Variants in FBXL13 observed in about 807,000 individuals in gnomAD.
FBXL13 encodes the protein F-box and leucine rich repeat protein 13, also known as F-box and leucine-rich repeat protein 13.
FBXL13 carries 67 observed loss-of-function variants against 83.6 expected under a neutral mutation model. The ratio of observed to expected loss-of-function variants is 0.80; its 90% CI spans 0.66 to 0.98. The LOEUF (loss-of-function observed/expected upper bound fraction) is 0.98. Among genes scored for constraint, FBXL13 ranks in the 50% least tolerant of loss-of-function variants. The pLI is 0.00. For missense variants in FBXL13, 822 were observed against 866.5 expected (o/e 0.95, Z 0.64); for synonymous variants, 272 against 299.5 (o/e 0.91, Z 0.95).
intron 11 of FBXL13, among the ~76,000 whole-genome samples, chr7:102,897,115 T>TTA (rs149290480): frequency 0.012 from 1,803 of 151,764 alleles, 71 homozygotes; most frequent in East Asian, 0.11. Context: ...TACATATATT[T>TTA]TATATATATG....
At chr7:102,996,752 A>G (rs1789835354) in intron 6 of FBXL13, among the ~76,000 whole-genome samples, 1 of 152,208 alleles carries the variant, frequency 6.6e-6, no homozygotes. Context: ...TGGCCTGGTA[A>G]AAGAACATGA....
At chr7:102,863,012 TCTAA>T (rs1409164957) in intron 16 of FBXL13, among the ~76,000 whole-genome samples, 1 of 152,240 alleles carries the variant, frequency 6.6e-6, no homozygotes, top group Non-Finnish European at 1.5e-5. Flanking sequence ...GATCTTGTTC[TCTAA>T]CTGATAACTA....
At chr7:102,924,238 C>CA (rs564121170) in intron 10 of FBXL13, among the ~76,000 whole-genome samples, 846 of 54,154 alleles carry the variant, frequency 0.016, 6 homozygotes, top group African/African-American at 0.045. Context: ...AACTCCGTCT[C>CA]AAAAAAAAAA....
intron 6 of FBXL13, among the ~76,000 whole-genome samples, chr7:102,982,169 C>G: frequency 6.6e-6 from 1 of 152,148 alleles, no homozygotes; most frequent in Non-Finnish European, 1.5e-5. Flanking sequence ...ATGAGGAGTT[C>G]ATAGTGGTTG....
chr7:102,873,780 T>C (rs546961811), intron 16 of FBXL13, among the ~76,000 whole-genome samples: 2 of 152,352 alleles, frequency 1.3e-5, no homozygotes, highest in African/African-American at 2.4e-5. Flanking sequence ...CCCAAATGTG[T>C]AGGTTTCTTG....
In FBXL13 at chr7:102,826,229, C is replaced by T. The variant is rs114311116; in HGVS notation, c.1855-4026G>A. On this transcript the variant is annotated intron_variant, in intron 18 of 19. Transcript: ENST00000313221. Reference sequence around the variant, plus strand: ...GTGACGATCCCAAGAAAAAACCCGCCTTGAAGATGGACAGCAAGAAAGGGG... The same window carrying T: ...GTGACGATCCCAAGAAAAAACCCGCTTTGAAGATGGACAGCAAGAAAGGGG... 7.2e-3 allele frequency among the ~76,000 whole-genome samples: 1,091 copies of T among 152,144 alleles called. 18 individuals carry two copies. Among genetic ancestry groups the T allele is most frequent in the African/African-American group, 0.025 (1,036 of 41,484 alleles).
At chr7:102,821,619 C>T (rs149055907) in intron 19 of FBXL13, among the ~76,000 whole-genome samples, 60 of 152,306 alleles carry the variant, frequency 3.9e-4, no homozygotes. Context: ...TCATTTTAAG[C>T]ATTTCATATG....
chr7:102,815,986 GC>G (rs1797947957), intron 19 of FBXL13, among the ~76,000 whole-genome samples: 1 of 152,192 alleles, frequency 6.6e-6, no homozygotes, highest in African/African-American at 2.4e-5. Context: ...CTCATTTAAT[GC>G]AGTGTGATGG....
chr7:102,959,131 A>C (rs1437196937), intron 8 of FBXL13, among the ~76,000 whole-genome samples: 1 of 152,160 alleles, frequency 6.6e-6, no homozygotes, highest in Non-Finnish European at 1.5e-5. Context: ...CAAGAGAATC[A>C]ATTGACAAGC....
intron 6 of FBXL13, among the ~76,000 whole-genome samples, chr7:102,979,932 C>A (rs1162866686): frequency 6.6e-6 from 1 of 152,084 alleles, no homozygotes; most frequent in Non-Finnish European, 1.5e-5. Flanking sequence ...TAAAATCTGC[C>A]TCTGAATAAA....
chr7:103,048,165 G>A (rs1796461670), intron 2 of FBXL13, among the ~76,000 whole-genome samples: 1 of 152,050 alleles, frequency 6.6e-6, no homozygotes, highest in East Asian at 1.9e-4. Flanking sequence ...AAAGTTAGAG[G>A]TCAGAAAAGA....
At chr7:103,031,058 G>C (rs1794464914) in intron 2 of FBXL13, 1 of 152,138 alleles carries the variant, frequency 6.6e-6, no homozygotes, top group Admixed American at 6.5e-5. Flanking sequence ...TTTCTTCACA[G>C]GGAAAAGCAA....
intron 7 of FBXL13, among the ~76,000 whole-genome samples, chr7:102,967,266 C>A (rs1826071603): frequency 1.8e-5 from 1 of 56,182 alleles, no homozygotes; most frequent in Non-Finnish European, 4.7e-5. Flanking sequence ...CCAATCCTCT[C>A]TTTCTTTTTT....
chr7:102,941,732 G>A (rs1177803056), intron 8 of FBXL13, among the ~76,000 whole-genome samples: 4 of 148,464 alleles, frequency 2.7e-5, no homozygotes, highest in South Asian at 4.3e-4. Flanking sequence ...ATGCAAACAA[G>A]TTTTAAAGCT....
intron 4 of FBXL13, 28 bp from the exon 6 acceptor site, chr7:103,027,586 T>C (rs915721932): frequency 7.0e-7 from 1 of 1,427,658 alleles, no homozygotes; most frequent in African/African-American, 1.4e-5. Flanking sequence ...GATTACTGTA[T>C]ATATTAATAG....
In FBXL13 at chr7:103,046,826, G is replaced by A. The variant is rs189838338; in HGVS notation, c.-1+8818C>T. ...AGTTTTACCTTAAGGGTTCCAATGG[G>A]TGTACAGTTCCAATAGTGTGGAGGG... is the stretch of plus-strand genomic sequence containing the variant. On this transcript the variant is annotated intron_variant, in intron 2 of 19. Coordinates refer to ENST00000313221, the Ensembl canonical transcript of FBXL13. 2.6e-5 allele frequency: 4 copies of A among 152,284 alleles called. No individual in the cohort carries two copies. The East Asian group carries it at 7.7e-4, about 29-fold the overall frequency. The allele number at this position is 152,284 out of a possible 1,614,324, so 9.4% of individuals were successfully genotyped here. A position where few individuals can be genotyped will look rare whatever the true frequency, so the allele number is the denominator to read the frequency against.
At chr7:102,934,043 C>T (rs1267050283) in intron 8 of FBXL13, 2 of 1,613,974 alleles carry the variant, frequency 1.2e-6, no homozygotes, top group African/African-American at 2.7e-5. Context: ...AGGCTCCAAC[C>T]CGGTCAAACG....
chr7:103,000,869 C>A (rs977476452), intron 6 of FBXL13, among the ~76,000 whole-genome samples: 2 of 152,176 alleles, frequency 1.3e-5, no homozygotes, highest in Non-Finnish European at 2.9e-5. Context: ...CAGTCTTTGA[C>A]TTGCATCTAT....
exon 16 of FBXL13, chr7:102,877,542 G>A (rs746811356): frequency 1.2e-6 from 2 of 1,610,756 alleles, no homozygotes; most frequent in Non-Finnish European, 1.7e-6. Context: ...CAATTCCTTG[G>A]GCAGTCAAAT....
Sources: allele counts gnomAD v4.1 joint callset (sites outside exome capture counted in the v4.1 genomes callset), GRCh38; gene constraint gnomAD v4.1.1; transcripts MANE v1.5; gene names NCBI Gene and HGNC (gene_info 2026-07-23, HGNC 2026-07-21).